USP46: variants seen among roughly 807,000 people sequenced by gnomAD.
The protein encoded by USP46 is ubiquitin carboxyl-terminal hydrolase 46.
Under a neutral mutation model 44.4 loss-of-function variants are expected in USP46, and 12 were observed. The observed-to-expected ratio is 0.27, with a 90% CI of 0.17 to 0.44. The LOEUF is 0.44. Among genes scored for constraint, USP46 ranks in the 20% least tolerant of loss-of-function variants. The pLI, the probability that USP46 is intolerant of heterozygous loss-of-function variation, is 1.00. For synonymous variants in USP46, 155 were observed against 161.5 expected (o/e 0.96, Z 0.31); for missense variants, 248 against 444.8 (o/e 0.56, Z 3.98).
In USP46 at chr4:52,598,639, C is replaced by T; in HGVS notation, c.988G>A (p.Asp330Asn). ...ATCTGCAAACCAACCTCTACAATGTCATCATCAAACAAAAGCCAGAAGCCG... is the reference window on the plus strand; with the variant it reads ...ATCTGCAAACCAACCTCTACAATGTTATCATCAAACAAAAGCCAGAAGCCG... Reference protein sequence around the residue: ...SHGFWLLFDDDIVEKIDAQAI... With the variant: ...SHGFWLLFDDNIVEKIDAQAI... The change falls in exon 8 of 9, where the codon GAC becomes AAC. Residue 330 changes from aspartate to asparagine, a missense_variant. By Grantham distance (23) the Asp-to-Asn change is conservative (BLOSUM62 1). Coordinates refer to ENST00000441222, the MANE Select transcript of USP46 (RefSeq NM_022832.4). 1 of 1,609,768 alleles carries T rather than the reference C, an allele frequency of 6.2e-7. No individual in the cohort carries two copies.
chr4:52,637,880 C>T (rs1019778514), intron 1 of USP46, among the ~76,000 whole-genome samples: 3 of 149,810 alleles, frequency 2.0e-5, no homozygotes, highest in Non-Finnish European at 4.4e-5. Context: ...ACCTCAAATG[C>T]CCCCTGCTTA....
intron 7 of USP46, among the ~76,000 whole-genome samples, chr4:52,601,644 T>C (rs998229333): frequency 6.6e-6 from 1 of 152,230 alleles, no homozygotes; most frequent in Admixed American, 6.5e-5. Flanking sequence ...ATTTCTCTCA[T>C]GATAGAACAT....
chr4:52,657,540 G>C (rs971911969), intron 1 of USP46, among the ~76,000 whole-genome samples: 1 of 152,136 alleles, frequency 6.6e-6, no homozygotes, highest in African/African-American at 2.4e-5. Context: ...TTAGGCCTGC[G>C]GCCACACCAA....
chr4:52,647,727 T>C (rs1718601116), intron 1 of USP46, among the ~76,000 whole-genome samples: 1 of 152,234 alleles, frequency 6.6e-6, no homozygotes, highest in Non-Finnish European at 1.5e-5. Context: ...AGCCCTTCCC[T>C]AGTTCTCCTT....
Position 52,659,300 on chromosome 4 carries a change from A to G in USP46, c.-150T>C. 1 of 264,168 alleles carries G rather than the reference A, an allele frequency of 3.8e-6. No individual in the cohort carries two copies. Among genetic ancestry groups the G allele is most frequent in the Non-Finnish European group, 6.3e-6 (1 of 158,700 alleles). 16.4% of individuals were successfully genotyped at this position (264,168 alleles called of 1,614,324 possible). On this transcript the variant is annotated 5_prime_UTR_variant, in exon 1 of 9. Transcript: ENST00000441222. This position sits in a 1 kb window ranked among gnomAD's most constrained non-coding sequence, Gnocchi z 4.2. ...TGGCTGGGAGAGGGAGGCCGGGAGG[A>G]GGAGGCGGCGGCGCGGGGAGGGCGG...
chr4:52,632,990 A>AAAAAAAG lies in USP46; in HGVS notation c.37-1847_37-1846insCTTTTTT, dbSNP rs1553891308. Among the ~76,000 whole-genome samples the AAAAAAAG allele has an allele frequency of 1.7e-3, 113 of 66,330 alleles. 5 individuals carry two copies. Among genetic ancestry groups the AAAAAAAG allele is most frequent in the South Asian group, 3.6e-3 (6 of 1,680 alleles). 43.5% of individuals were successfully genotyped at this position (66,330 alleles called of 152,430 possible). On this transcript the variant is annotated intron_variant, in intron 1 of 8. Coordinates refer to ENST00000441222, the MANE Select transcript of USP46 (RefSeq NM_022832.4). ...AAAGAAAGAAAGAAAGAAAGAAAAG[A>AAAAAAAG]AAAGAAAGAAAGAAAGAAAGAAAGA...
At chr4:52,658,473 G>A (rs1247807897) in intron 1 of USP46, among the ~76,000 whole-genome samples, 2 of 152,062 alleles carry the variant, frequency 1.3e-5, no homozygotes, top group Non-Finnish European at 2.9e-5. Flanking sequence ...CCACCCTTAG[G>A]GCCTGCAAAT....
At chr4:52,635,371 A>C (rs1718073081) in intron 1 of USP46, among the ~76,000 whole-genome samples, 2 of 152,184 alleles carry the variant, frequency 1.3e-5, no homozygotes, top group East Asian at 3.9e-4. Context: ...AAAAGGTCAA[A>C]CAACCAAGCC....
intron 3 of USP46, among the ~76,000 whole-genome samples, chr4:52,627,640 G>A (rs188491204): frequency 6.6e-6 from 1 of 152,282 alleles, no homozygotes; most frequent in South Asian, 2.1e-4. Context: ...AGGCCAATGA[G>A]TATCCCACTC....
chr4:52,614,881 G>A (rs968363027), intron 4 of USP46, among the ~76,000 whole-genome samples: 1 of 152,120 alleles, frequency 6.6e-6, no homozygotes, highest in Non-Finnish European at 1.5e-5. Context: ...GGAGCAGAGG[G>A]AATATACACC....
At position 52,592,931 on chromosome 4, in the gene USP46, C is replaced by T; in HGVS notation, c.*4709G>A. Reference sequence around the variant, plus strand: ...TAAGATGGGCTTGCTTTCCCTTTGCCTTCTGCTGATTGTAAGTTTCCTGAG... The same window carrying T: ...TAAGATGGGCTTGCTTTCCCTTTGCTTTCTGCTGATTGTAAGTTTCCTGAG... On this transcript the variant is annotated 3_prime_UTR_variant, in exon 9 of 9. Transcript: ENST00000441222. 1 of 398,684 alleles carries T rather than the reference C, an allele frequency of 2.5e-6. No individual in the cohort carries two copies. The highest frequency in any genetic ancestry group is 4.4e-6 in the Non-Finnish European group (1 of 226,202). The allele number at this position is 398,684 out of a possible 1,614,324, so 24.7% of individuals were successfully genotyped here.
chr4:52,632,981 AAAGAAAAGAAAAGAAAGAAAG>A lies in USP46; in HGVS notation c.37-1858_37-1838del, dbSNP rs1560406109. ...GAAAGAAAGAAAGAAAGAAAGAAAG[AAAGAAAAGAAAAGAAAGAAAG>A]AAAGAAAGAAAGAAAGAAAGAAAGA... On this transcript the variant is annotated intron_variant, in intron 1 of 8. Coordinates refer to ENST00000441222, the MANE Select transcript of USP46 (RefSeq NM_022832.4). Among the ~76,000 whole-genome samples the A allele has an allele frequency of 2.7e-3, 174 of 63,390 alleles. 4 individuals carry two copies. Among genetic ancestry groups the A allele is most frequent in the African/African-American group, 0.012 (150 of 12,518 alleles). The allele number at this position is 63,390 out of a possible 152,430, so 41.6% of individuals were successfully genotyped here.
intron 6 of USP46, 111 bp from the exon 7 acceptor site, chr4:52,602,165 C>T: frequency 1.7e-6 from 2 of 1,203,812 alleles, no homozygotes; most frequent in Admixed American, 2.4e-5. Flanking sequence ...AACTTCAAAC[C>T]AGCAAACAAC....
At chr4:52,624,088 A>G (rs1717484857) in intron 4 of USP46, among the ~76,000 whole-genome samples, 1 of 152,154 alleles carries the variant, frequency 6.6e-6, no homozygotes, top group Admixed American at 6.6e-5. Flanking sequence ...TGCAAGGTAA[A>G]AAGGGTGTGT....
intron 1 of USP46, among the ~76,000 whole-genome samples, chr4:52,645,816 T>A (rs1003604870): frequency 3.3e-5 from 5 of 152,128 alleles, no homozygotes; most frequent in African/African-American, 1.2e-4. Flanking sequence ...GGGAGGTGAT[T>A]GGATCATTGG....
chr4:52,610,267 A>G (rs1038150556), intron 5 of USP46, among the ~76,000 whole-genome samples: 3 of 152,146 alleles, frequency 2.0e-5, no homozygotes, highest in African/African-American at 7.2e-5. Flanking sequence ...GGTTGAAATT[A>G]TCACCAATCA....
At chr4:52,609,956 C>T (rs1464529906) in intron 5 of USP46, among the ~76,000 whole-genome samples, 4 of 82,420 alleles carry the variant, frequency 4.9e-5, no homozygotes, top group Non-Finnish European at 6.6e-5. Flanking sequence ...GGCGGAGTTT[C>T]GCTCTGTCGC....
chr4:52,616,029 A>T (rs1717115729), intron 4 of USP46, among the ~76,000 whole-genome samples: 1 of 152,240 alleles, frequency 6.6e-6, no homozygotes, highest in African/African-American at 2.4e-5. Flanking sequence ...GACATAAAGG[A>T]TCTGAATAAC....
chr4:52,601,809 G>T, intron 7 of USP46, 48 bp downstream of exon 7: 2 of 1,566,544 alleles, frequency 1.3e-6, no homozygotes, highest in Non-Finnish European at 1.7e-6. Context: ...CAGCGAAGAG[G>T]CAACCCTTAC....
Sources: allele counts gnomAD v4.1 joint callset (sites outside exome capture counted in the v4.1 genomes callset), GRCh38; gene constraint gnomAD v4.1.1; non-coding constraint Gnocchi (gnomAD v3.1); transcripts MANE v1.5; gene names NCBI Gene and HGNC (gene_info 2026-07-23, HGNC 2026-07-21).